RC3H1: variants seen among roughly 807,000 people sequenced by gnomAD.
RC3H1 encodes ring finger and CCCH-type domains 1.
RC3H1 carries 50 observed loss-of-function variants against 138.2 expected under a neutral mutation model. The observed-to-expected ratio is 0.36, with a 90% confidence interval of 0.29 to 0.46. The LOEUF is 0.46. Ranked by LOEUF, RC3H1 falls within the 20% of genes least tolerant of loss-of-function variation. RC3H1 has a pLI of 1.00. For missense variants in RC3H1, 1,031 were observed against 1,388.1 expected (o/e 0.74, Z 4.09); for synonymous variants, 462 against 489.1 (o/e 0.94, Z 0.73).
Position 173,937,805 on chromosome 1 carries a change from T to C in RC3H1, c.*916A>G, listed in dbSNP as rs1272828690. On this transcript the variant is annotated 3_prime_UTR_variant, in exon 20 of 20. Transcript: ENST00000367696. ...CCTTGTTTTTTAGCATCCTATGATG[T>C]CAGCAAAAGTTTAATTTGAAAAGCA... is the stretch of plus-strand genomic sequence containing the variant. The C allele has an allele frequency of 1.3e-5, 2 of 152,218 alleles. No individual in the cohort carries two copies. The highest frequency in any genetic ancestry group is 2.9e-5 in the Non-Finnish European group (2 of 68,034). 9.4% of individuals were successfully genotyped at this position (152,218 alleles called of 1,614,324 possible). A position where few individuals can be genotyped will look rare whatever the true frequency, so the allele number is the denominator to read the frequency against.
chr1:173,949,043 C>T lies in RC3H1; in HGVS notation c.2524-1461G>A, dbSNP rs111630009. On this transcript the variant is annotated intron_variant, in intron 14 of 19. Transcript: ENST00000367696. ...TTTCGTTCCAATAAGAGCCTTACTA[C>T]AGCCTAAAAACAATGCTTCTGTAAT... Among the ~76,000 whole-genome samples, 753 of 146,252 alleles carry T rather than the reference C, an allele frequency of 5.1e-3. 8 individuals are homozygous for T. Among genetic ancestry groups the T allele is most frequent in the African/African-American group, 0.017 (693 of 39,914 alleles).
Position 173,953,501 on chromosome 1 carries a change from C to T in RC3H1, c.2371-1363G>A, listed in dbSNP as rs1445208611. 3.9e-5 allele frequency among the ~76,000 whole-genome samples: 6 copies of T among 152,102 alleles called. No homozygotes were observed. In the East Asian group the frequency reaches 1.2e-3, roughly 30 times the overall value. ...GGCCAGGCTGGTCTGGAACACCTGA[C>T]CTCAGGTGATCCACCCACCTCAGCC... On this transcript the variant is annotated intron_variant, in intron 13 of 19. Coordinates refer to ENST00000367696, the MANE Select transcript of RC3H1 (RefSeq NM_172071.4).
rs1469004350 is a variant in RC3H1, at chr1:173,937,044, G to C, written c.*1677C>G. ...ATCAAATCCTTGACCAGCCAGGTCT[G>C]TAGGGCATAATCAAATTCAATGTGA... On this transcript the variant is annotated 3_prime_UTR_variant, in exon 20 of 20. Coordinates refer to ENST00000367696, the MANE Select transcript of RC3H1 (RefSeq NM_172071.4). 6.6e-6 allele frequency: 1 copy of C among 151,414 alleles called. No individual in the cohort carries two copies. The highest frequency in any genetic ancestry group is 2.4e-5 in the African/African-American group (1 of 40,952). The allele number at this position is 151,414 out of a possible 1,614,324, so 9.4% of individuals were successfully genotyped here. A position where few individuals can be genotyped will look rare whatever the true frequency, so the allele number is the denominator to read the frequency against.
At chr1:173,940,847 G>A (rs1250157597) in intron 19 of RC3H1, among the ~76,000 whole-genome samples, 1 of 145,822 alleles carries the variant, frequency 6.9e-6, no homozygotes, top group Admixed American at 6.8e-5. Context: ...TTTTGAGACC[G>A]TGTCTCACTC....
intron 17 of RC3H1, among the ~76,000 whole-genome samples, chr1:173,944,054 G>C (rs924092503): frequency 5.9e-5 from 9 of 151,712 alleles, no homozygotes; most frequent in African/African-American, 2.2e-4. Flanking sequence ...TGGGCCCGTA[G>C]TCCTAGCTAC....
At chr1:173,974,497 T>C (rs1301052126) in intron 7 of RC3H1, among the ~76,000 whole-genome samples, 1 of 152,136 alleles carries the variant, frequency 6.6e-6, no homozygotes, top group Admixed American at 6.5e-5. Context: ...CAAAAGGCCC[T>C]ATAATCAAAG....
chr1:173,982,526 C>T (rs1660867681), intron 5 of RC3H1, among the ~76,000 whole-genome samples: 2 of 151,984 alleles, frequency 1.3e-5, no homozygotes, highest in African/African-American at 4.8e-5. Context: ...CTATGTTGTT[C>T]AATATTGAAC....
intron 1 of RC3H1, among the ~76,000 whole-genome samples, chr1:174,020,800 G>C (rs1256815022): frequency 6.6e-6 from 1 of 152,150 alleles, no homozygotes; most frequent in African/African-American, 2.4e-5. Context: ...CTTGAGGTCA[G>C]GAGTTCCAGA....
chr1:173,937,873 C>T lies in RC3H1; in HGVS notation c.*848G>A, dbSNP rs577938981. 3 of 152,248 alleles carry T rather than the reference C, an allele frequency of 2.0e-5. No individual in the cohort carries two copies. Among genetic ancestry groups the T allele is most frequent in the South Asian group, 2.1e-4 (1 of 4,828 alleles). 9.4% of individuals were successfully genotyped at this position (152,248 alleles called of 1,614,324 possible). A position where few individuals can be genotyped will look rare whatever the true frequency, so the allele number is the denominator to read the frequency against. ...CCATGAGCTGAACGCAGGCGAAACA[C>T]CAAACATGTATTTTCAGTGCTAGTA... On this transcript the variant is annotated 3_prime_UTR_variant, in exon 20 of 20. Transcript: ENST00000367696.
intron 2 of RC3H1, among the ~76,000 whole-genome samples, chr1:173,988,004 TAGA>T (rs1242248165): frequency 1.3e-5 from 2 of 152,338 alleles, no homozygotes; most frequent in Middle Eastern, 3.4e-3. Context: ...GGGAAAAGAC[TAGA>T]GTACACTGCT....
chr1:174,007,413 C>T (rs1411575735), intron 1 of RC3H1, among the ~76,000 whole-genome samples: 1 of 151,706 alleles, frequency 6.6e-6, no homozygotes, highest in African/African-American at 2.4e-5. Flanking sequence ...ATCTATATAA[C>T]GGAATCATCA....
rs186248259 is a variant in RC3H1, at chr1:174,003,891, G to A, written c.-150-10756C>T. 3.4e-3 allele frequency among the ~76,000 whole-genome samples: 517 copies of A among 151,770 alleles called. 3 individuals carry two copies. Among genetic ancestry groups the A allele is most frequent in the African/African-American group, 0.012 (484 of 41,454 alleles). On this transcript the variant is annotated intron_variant, in intron 1 of 19. Coordinates refer to ENST00000367696, the MANE Select transcript of RC3H1 (RefSeq NM_172071.4). ...TTAGCCAGGATGGTCTTGATCTCCTGACCTTGTGATCCGCCCACCTCGGCC... is the reference window on the plus strand; with the variant it reads ...TTAGCCAGGATGGTCTTGATCTCCTAACCTTGTGATCCGCCCACCTCGGCC...
At chr1:173,980,492 TA>T (rs1317225383) in intron 6 of RC3H1, among the ~76,000 whole-genome samples, 18 of 152,102 alleles carry the variant, frequency 1.2e-4, no homozygotes, top group South Asian at 2.1e-4. Flanking sequence ...AAATGTTCAT[TA>T]TTTTTTTTTT....
chr1:173,964,864 T>C lies in RC3H1; in HGVS notation c.1591A>G (p.Ser531Gly). The C allele has an allele frequency of 6.2e-7, 1 of 1,614,190 alleles. No individual in the cohort carries two copies. The highest frequency in any genetic ancestry group is 8.5e-7 in the Non-Finnish European group (1 of 1,180,028). Residue 531 changes from serine (S) to glycine (G), a missense_variant, in exon 10 of 20, where the codon AGT (serine) becomes GGT (glycine). Ser to Gly is a moderately conservative substitution (Grantham distance 56). This residue lies in a region of RC3H1 where 716 missense variants were observed against 837.9 expected (regional missense o/e 0.85). Transcript: ENST00000367696. ...KPGKIDHLSS[S>G]APGSPPDLLE... Reference sequence around the variant, plus strand: ...AGGTCAGGAGGGGATCCAGGAGCACTACTGCTCAGATGATCTATTTTTCCT... The same window carrying C: ...AGGTCAGGAGGGGATCCAGGAGCACCACTGCTCAGATGATCTATTTTTCCT...
At chr1:173,977,012 G>A (rs997322708) in intron 7 of RC3H1, among the ~76,000 whole-genome samples, 4 of 149,398 alleles carry the variant, frequency 2.7e-5, no homozygotes, top group Non-Finnish European at 5.9e-5. Context: ...AAACTCTGCC[G>A]CCCGGGTTCA....
At chr1:173,978,400 C>A in intron 7 of RC3H1, 88 bp downstream of exon 7, 2 of 1,441,832 alleles carry the variant, frequency 1.4e-6, no homozygotes, top group East Asian at 2.3e-5. Flanking sequence ...TTGGGAAACC[C>A]TAGAGGAACA....
rs553893110 is a variant in RC3H1 at position 174,010,848 on chromosome 1, A to T, written c.-151+11248T>A. Among the ~76,000 whole-genome samples the T allele has an allele frequency of 2.1e-4, 32 of 152,358 alleles. 1 individual carries two copies. In the South Asian group the frequency reaches 6.0e-3, roughly 29 times the overall value. On this transcript the variant is annotated intron_variant, in intron 1 of 19. Coordinates refer to ENST00000367696, the MANE Select transcript of RC3H1 (RefSeq NM_172071.4). Reference sequence around the variant, plus strand: ...ACACTTGAACAGAAAAGGATATTCAAATGGCAATAAGCATATAGTATGTTC... The same window carrying T: ...ACACTTGAACAGAAAAGGATATTCATATGGCAATAAGCATATAGTATGTTC...
intron 10 of RC3H1, 57 bp from the exon 11 acceptor site, chr1:173,964,244 G>T: frequency 7.4e-7 from 1 of 1,348,338 alleles, no homozygotes; most frequent in Non-Finnish European, 1.1e-6. Flanking sequence ...TGCATAAATT[G>T]TTACAAGTAA....
chr1:173,962,020 G>A lies in RC3H1; in HGVS notation c.1907C>T (p.Pro636Leu). ...GGGTGGATAATGATCCAAGTAGGGA[G>A]GAGCAGGTTCAGGAGCAGATGGTGG... ...RPPPSAPEPA[P>L]PYLDHYPPYL... Residue 636 changes from proline (P) to leucine (L), a missense_variant, in exon 12 of 20, where the codon CCT becomes CTT. By Grantham distance (98) the Pro-to-Leu change is moderately conservative. Coordinates refer to ENST00000367696, the MANE Select transcript of RC3H1 (RefSeq NM_172071.4). 1 of 1,614,120 alleles carries A rather than the reference G, an allele frequency of 6.2e-7. No individual in the cohort carries two copies. The highest frequency in any genetic ancestry group is 8.5e-7 in the Non-Finnish European group (1 of 1,180,000).
Sources: gnomAD v4.1 joint callset for allele counts (sites outside exome capture counted in the v4.1 genomes callset) on GRCh38, gnomAD v4.1.1 for gene constraint, gnomAD v4.1.1 regional missense constraint, MANE v1.5 for transcripts, NCBI Gene and HGNC (gene_info 2026-07-23, HGNC 2026-07-21) for gene names.